The following PDLIM4 variants were observed in gnomAD, a reference collection of about 807,000 sequenced individuals.
PDLIM4 encodes PDZ and LIM domain protein 4.
Under a neutral mutation model 31.3 loss-of-function variants are expected in PDLIM4, and 19 were observed. The observed-to-expected ratio is 0.61, with a 90% CI of 0.42 to 0.89. The LOEUF is 0.89. Ranked by LOEUF, PDLIM4 falls within the 40% of genes least tolerant of loss-of-function variation. The pLI is 0.00. For synonymous variants in PDLIM4, 176 were observed against 190.1 expected (o/e 0.93, Z 0.61); for missense variants, 442 against 461.1 (o/e 0.96, Z 0.38).
chr5:132,269,040 A>T (rs1756550926), intron 3 of PDLIM4, among the ~76,000 whole-genome samples: 1 of 152,210 alleles, frequency 6.6e-6, no homozygotes, highest in Non-Finnish European at 1.5e-5. Flanking sequence ...AAGGAACCTG[A>T]TGTGGAAAGC....
At position 132,272,359 on chromosome 5, in the gene PDLIM4, G is replaced by C; in HGVS notation, c.*130G>C. 1.3e-6 allele frequency: 1 copy of C among 747,462 alleles called. No individual in the cohort carries two copies. Among genetic ancestry groups the C allele is most frequent in the South Asian group, 1.6e-5 (1 of 61,824 alleles). The allele number at this position is 747,462 out of a possible 1,614,324, so 46.3% of individuals were successfully genotyped here. A position where few individuals can be genotyped will look rare whatever the true frequency, so the allele number is the denominator to read the frequency against. ...CTGTCACCTGGCCTGCCACCCTCCTGCGCAGGCCATGCATGGCTCCCGAGT... is the reference window on the plus strand; with the variant it reads ...CTGTCACCTGGCCTGCCACCCTCCTCCGCAGGCCATGCATGGCTCCCGAGT... On this transcript the variant is annotated 3_prime_UTR_variant, in exon 7 of 7. Transcript: ENST00000253754.
At chr5:132,259,675 T>A (rs1030537449) in intron 1 of PDLIM4, among the ~76,000 whole-genome samples, 6 of 152,080 alleles carry the variant, frequency 3.9e-5, no homozygotes, top group Admixed American at 1.3e-4. Flanking sequence ...GGGCTCAAGA[T>A]CCAGCCCCTC....
chr5:132,259,022 G>A (rs2126669073), intron 1 of PDLIM4, among the ~76,000 whole-genome samples: 1 of 152,284 alleles, frequency 6.6e-6, no homozygotes, highest in South Asian at 2.1e-4. Context: ...GGCAGGCCCA[G>A]CTGTCCTAGG....
chr5:132,264,771 C>T (rs1189536055), intron 2 of PDLIM4, among the ~76,000 whole-genome samples: 5 of 150,996 alleles, frequency 3.3e-5, no homozygotes, highest in African/African-American at 1.2e-4. Flanking sequence ...CCACCACACA[C>T]ACCCACACAG....
Position 132,271,817 on chromosome 5 carries a change from C to G in PDLIM4, c.697C>G (p.Arg233Gly). ...GGATTGGCCCGGGCCTGGCGGCCCC[C>G]GGAACCTCAAGCCCACGGCCAGCAA... ...GGDWPGPGGP[R>G]NLKPTASKLG... The change falls in exon 6 of 7, where the codon CGG becomes GGG. Residue 233 changes from arginine to glycine, a missense_variant. Physicochemically the swap from Arg to Gly is moderately radical, Grantham distance 125 (BLOSUM62 -2). Transcript: ENST00000253754. 6.2e-7 allele frequency: 1 copy of G among 1,612,734 alleles called. No homozygotes were observed.
intron 1 of PDLIM4, among the ~76,000 whole-genome samples, chr5:132,259,371 G>C (rs890622041): frequency 3.3e-5 from 5 of 152,124 alleles, no homozygotes; most frequent in South Asian, 4.1e-4. Context: ...GCCTCCACAC[G>C]TCACAGCTGC....
rs757407560 is a variant in PDLIM4, at chr5:132,273,167, G to A, written c.*938G>A. On this transcript the variant is annotated 3_prime_UTR_variant, in exon 7 of 7. Transcript: ENST00000253754. ...CTGTGAATTGTGGCTGTTCACTCCC[G>A]AGGATGTGTCCTAGACTCCGGGTCG... 4.6e-5 allele frequency: 7 copies of A among 152,264 alleles called. No individual in the cohort carries two copies. Among genetic ancestry groups the A allele is most frequent in the Admixed American group, 1.3e-4 (2 of 15,282 alleles). 9.4% of individuals were successfully genotyped at this position (152,264 alleles called of 1,614,324 possible).
At chr5:132,263,733 C>T (rs1200080195) in intron 2 of PDLIM4, among the ~76,000 whole-genome samples, 1 of 152,242 alleles carries the variant, frequency 6.6e-6, no homozygotes, top group African/African-American at 2.4e-5. Flanking sequence ...CACAACACAG[C>T]TAACCATGCC....
Position 132,271,897 on chromosome 5 carries a change from C to G in PDLIM4, c.777C>G (p.Gly259=), listed in dbSNP as rs775122958. Residue 259 remains glycine (G), a synonymous_variant, in exon 6 of 7, where the codon GGC becomes GGG. Transcript: ENST00000253754. Reference sequence around the variant, plus strand: ...GGCTGCCCGAGTGCACGCGCTGCGGCCACGGCATCGTGTGAGTAACCGCCC... The same window carrying G: ...GGCTGCCCGAGTGCACGCGCTGCGGGCACGGCATCGTGTGAGTAACCGCCC... The part of the protein sequence containing the change: ...LQGLPECTRC[G]HGIVGTIVKA... The G allele has an allele frequency of 2.5e-6, 4 of 1,606,188 alleles. No individual in the cohort carries two copies. The African/African-American group carries it at 5.4e-5, about 21-fold the overall frequency.
At position 132,271,339 on chromosome 5, in the gene PDLIM4, C is replaced by T; in HGVS notation, c.543C>T (p.Asp181=). ...CCAGAGGCCTCCCGCGGAGCCGGGA[C>T]TGCAGAGTCGACCTGGGCTCCGAGG... ...DPARGLPRSR[D]CRVDLGSEVY... is the part of the protein sequence containing the mutation. Residue 181 remains aspartate (D), a synonymous_variant, in exon 5 of 7, where the codon GAC becomes GAT. Coordinates refer to ENST00000253754, the MANE Select transcript of PDLIM4 (RefSeq NM_003687.4). The T allele has an allele frequency of 6.2e-7, 1 of 1,601,862 alleles. No individual in the cohort carries two copies. The highest frequency in any genetic ancestry group is 1.1e-5 in the South Asian group (1 of 90,950).
In PDLIM4 at chr5:132,271,827, A is replaced by G; in HGVS notation, c.707A>G (p.Lys236Arg). 1.2e-6 allele frequency: 2 copies of G among 1,612,956 alleles called. No homozygotes were observed. The highest frequency in any genetic ancestry group is 1.7e-6 in the Non-Finnish European group (2 of 1,179,652). ...GGGCCTGGCGGCCCCCGGAACCTCA[A>G]GCCCACGGCCAGCAAGCTGGGCGCT... ...WPGPGGPRNL[K>R]PTASKLGAPL... Residue 236 changes from lysine to arginine, a missense_variant, in exon 6 of 7, where the codon AAG (lysine) becomes AGG (arginine). Coordinates refer to ENST00000253754, the MANE Select transcript of PDLIM4 (RefSeq NM_003687.4).
At chr5:132,262,578 G>C (rs374347442) in intron 1 of PDLIM4, 31 bp from the exon 2 acceptor site, 102 of 1,574,098 alleles carry the variant, frequency 6.5e-5, no homozygotes, top group Non-Finnish European at 7.9e-5. Context: ...TATCATGACT[G>C]TGCCCAGCCA....
chr5:132,263,749 G>A (rs1295154138), intron 2 of PDLIM4, among the ~76,000 whole-genome samples: 1 of 152,234 alleles, frequency 6.6e-6, no homozygotes, highest in African/African-American at 2.4e-5. Flanking sequence ...ATGCCTCTGA[G>A]CTGGCAGGGT....
At chr5:132,271,520 G>A (rs1202192043) in intron 5 of PDLIM4, 54 bp downstream of exon 5, 1 of 1,578,962 alleles carries the variant, frequency 6.3e-7, no homozygotes, top group Non-Finnish European at 8.6e-7. Context: ...GCAGTGCCCA[G>A]GTTGCCCCCT....
In PDLIM4 at chr5:132,258,882, C is replaced by T. The variant is rs534717832; in HGVS notation, c.93+1055C>T. Among the ~76,000 whole-genome samples, 18 of 152,352 alleles carry T rather than the reference C, an allele frequency of 1.2e-4. No homozygotes were observed. The South Asian group carries it at 3.3e-3, about 28-fold the overall frequency. ...AGAAGCACCTTCCCCCACCCTACTG[C>T]CACCTCTTGCCATGGGGGCTGGGCC... is the stretch of plus-strand genomic sequence containing the variant. On this transcript the variant is annotated intron_variant, in intron 1 of 6. Transcript: ENST00000253754.
In PDLIM4 at chr5:132,272,255, T is replaced by C; in HGVS notation, c.*26T>C. The C allele has an allele frequency of 6.4e-7, 1 of 1,572,658 alleles. No individual in the cohort carries two copies. Among genetic ancestry groups the C allele is most frequent in the Non-Finnish European group, 8.8e-7 (1 of 1,142,838 alleles). ...GCTGGGACCCTGCTCCCACGCCTGC[T>C]TCTTAAGGTCCCTGCTCGGCCGGTG... On this transcript the variant is annotated 3_prime_UTR_variant, in exon 7 of 7. Coordinates refer to ENST00000253754, the MANE Select transcript of PDLIM4 (RefSeq NM_003687.4).
intron 3 of PDLIM4, among the ~76,000 whole-genome samples, chr5:132,268,035 G>A (rs1396277664): frequency 6.6e-6 from 1 of 152,170 alleles, no homozygotes; most frequent in Non-Finnish European, 1.5e-5. Flanking sequence ...TGGGGAGGGG[G>A]TTCAGTCTTC....
chr5:132,269,758 G>C (rs1365268917), intron 3 of PDLIM4, among the ~76,000 whole-genome samples: 1 of 152,130 alleles, frequency 6.6e-6, no homozygotes, highest in African/African-American at 2.4e-5. Context: ...GAGCAGAGGA[G>C]GTTTACACGT....
intron 4 of PDLIM4, 100 bp downstream of exon 4, chr5:132,271,193 T>C (rs1756601827): frequency 4.7e-6 from 7 of 1,496,380 alleles, no homozygotes; most frequent in Non-Finnish European, 6.4e-6. Flanking sequence ...CACTTGATCC[T>C]TGGGTCTTAG....
Sources: gnomAD v4.1 joint callset for allele counts (sites outside exome capture counted in the v4.1 genomes callset) on GRCh38, gnomAD v4.1.1 for gene constraint, MANE v1.5 for transcripts, NCBI Gene and HGNC (gene_info 2026-07-23, HGNC 2026-07-21) for gene names.